The following MIIP variants were observed in gnomAD, a reference collection of about 807,000 sequenced individuals.
The protein encoded by MIIP is migration and invasion-inhibitory protein.
In MIIP, 44 loss-of-function variants were observed where a neutral mutation model predicts 44.8. That is an observed-to-expected ratio of 0.98 (90% confidence interval 0.77 to 1.26). MIIP has a LOEUF of 1.26. Ranked by LOEUF, MIIP falls within the 50% of genes most tolerant of loss-of-function variation. MIIP has a pLI of 0.00. For synonymous variants in MIIP, 225 were observed against 218.3 expected (o/e 1.03, Z -0.27); for missense variants, 496 against 511.7 (o/e 0.97, Z 0.30).
intron 4 of MIIP, 142 bp downstream of exon 4, chr1:12,023,059 CT>C (rs869060053): frequency 0.12 from 42,823 of 350,550 alleles, 4 homozygotes; most frequent in South Asian, 0.16. Flanking sequence ...GGAGCACCCT[CT>C]TTTTTTTTTT....
At chr1:12,028,840 G>C (rs907711303) in intron 4 of MIIP, 193 bp from the exon 5 acceptor site, 2 of 595,702 alleles carry the variant, frequency 3.4e-6, no homozygotes, top group African/African-American at 3.7e-5. Flanking sequence ...TATGCATCAG[G>C]GTAGACAGAC....
chr1:12,022,557 G>T (rs892740206), intron 3 of MIIP, 115 bp downstream of exon 3: 1 of 890,342 alleles, frequency 1.1e-6, no homozygotes, highest in Non-Finnish European at 1.7e-6. Context: ...AGGCTCCTGG[G>T]AGATACTGTG....
chr1:12,021,770 T>A lies in MIIP; in HGVS notation c.44T>A (p.Leu15Gln), dbSNP rs1161301922. Residue 15 changes from leucine (L) to glutamine (Q), a missense_variant, in exon 2 of 10, where the codon CTG (leucine) becomes CAG (glutamine). Physicochemically the swap from Leu to Gln is moderately radical, Grantham distance 113. Transcript: ENST00000235332. ...CTGGCACAGCTGCGGCTGCTCAATC[T>A]GGAGCTCCTGAGGCAGCTGTGGGTG... ...EELAQLRLLN[L>Q]ELLRQLWVGQ... 1 of 1,613,202 alleles carries A rather than the reference T, an allele frequency of 6.2e-7. No homozygotes were observed. Among genetic ancestry groups the A allele is most frequent in the South Asian group, 1.1e-5 (1 of 91,044 alleles).
chr1:12,022,833 C>T lies in MIIP; in HGVS notation c.463C>T (p.Pro155Ser). The stretch of plus-strand genomic sequence containing the variant: ...TGTCCCTCTGTGCTTCCTTCCTCAG[C>T]CCAGGGTGACCTTCTCTGAGGAGTC... Reference protein sequence around the residue: ...ILAQQSKLSKPRVTFSEESAV... With the variant: ...ILAQQSKLSKSRVTFSEESAV... The change falls in exon 4 of 10, where the codon CCC becomes TCC. Residue 155 changes from proline (P) to serine (S), a missense_variant and splice_region_variant. Pro to Ser is a moderately conservative substitution (Grantham distance 74). Transcript: ENST00000235332. 1 of 1,601,990 alleles carries T rather than the reference C, an allele frequency of 6.2e-7. No individual in the cohort carries two copies. The highest frequency in any genetic ancestry group is 2.3e-5 in the East Asian group (1 of 44,422).
At position 12,023,473 on chromosome 1, in the gene MIIP, G is replaced by A. The variant is rs546782640; in HGVS notation, c.547+556G>A. On this transcript the variant is annotated intron_variant, in intron 4 of 9. Transcript: ENST00000235332. Reference sequence around the variant, plus strand: ...GGCTGGAGTGAAGTGGCGCAATCTCGGCTCACTGCAAGCCCCGCCTCCCAG... The same window carrying A: ...GGCTGGAGTGAAGTGGCGCAATCTCAGCTCACTGCAAGCCCCGCCTCCCAG... Among the ~76,000 whole-genome samples the A allele has an allele frequency of 1.0e-4, 15 of 150,144 alleles. No homozygotes were observed. The East Asian group carries it at 1.2e-3, about 12-fold the overall frequency.
chr1:12,021,877 T>C, intron 2 of MIIP, 37 bp downstream of exon 2: 1 of 1,517,026 alleles, frequency 6.6e-7, no homozygotes, highest in Non-Finnish European at 8.9e-7. Context: ...AGGAAGGGGC[T>C]ACCTGACCTT....
intron 6 of MIIP, 55 bp downstream of exon 6, chr1:12,029,336 GC>G: frequency 6.5e-7 from 1 of 1,548,200 alleles, no homozygotes; most frequent in Non-Finnish European, 8.8e-7. Context: ...CGCTGCCCTG[GC>G]CTCCCCTGCC....
At chr1:12,021,990 T>A in intron 2 of MIIP, 105 bp from the exon 3 acceptor site, 1 of 1,375,100 alleles carries the variant, frequency 7.3e-7, no homozygotes, top group Non-Finnish European at 1.0e-6. Context: ...CCTTGGTCAC[T>A]GCTGAGGCCG....
rs771747347 is a variant in MIIP at position 12,021,844 on chromosome 1, C to T, written c.114+4C>T. On this transcript the variant is annotated splice_donor_region_variant and intron_variant, in intron 2 of 9. Coordinates refer to ENST00000235332, the MANE Select transcript of MIIP (RefSeq NM_021933.4). ...AGTGGCCAGGGCAGCCTCGGAGGTG[C>T]GTGCCCGCCTTGGGAACCCCAGAGG... The T allele has an allele frequency of 3.0e-5, 48 of 1,595,228 alleles. No homozygotes were observed. Among genetic ancestry groups the T allele is most frequent in the Non-Finnish European group, 4.0e-5 (47 of 1,171,302 alleles).
In MIIP at chr1:12,029,848, C is replaced by A. The variant is rs1139720; in HGVS notation, c.799C>A (p.Arg267=). 6.2e-7 allele frequency: 1 copy of A among 1,613,216 alleles called. No homozygotes were observed. Among genetic ancestry groups the A allele is most frequent in the African/African-American group, 1.3e-5 (1 of 74,910 alleles). The change falls in exon 7 of 10, where the codon CGA becomes AGA. Residue 267 remains arginine (R), a synonymous_variant. Transcript: ENST00000235332. ...GTPCRLCRTP[R]DQQGPGTLAQ... ...CCCCTGCCGCCTGTGCAGGACACCG[C>A]GAGACCAGCAGGGCCCTGGGACCCT...
At position 12,021,757 on chromosome 1, in the gene MIIP, C is replaced by T. The variant is rs777025332; in HGVS notation, c.31C>T (p.Arg11Trp). Residue 11 changes from arginine (R) to tryptophan (W), a missense_variant, in exon 2 of 10, where the codon CGG becomes TGG. Arg to Trp is a moderately radical substitution (Grantham distance 101, BLOSUM62 -3). Coordinates refer to ENST00000235332, the MANE Select transcript of MIIP (RefSeq NM_021933.4). MVEAEELAQL[R>W]LLNLELLRQL... Reference sequence around the variant, plus strand: ...GGAGGCTGAGGAACTGGCACAGCTGCGGCTGCTCAATCTGGAGCTCCTGAG... The same window carrying T: ...GGAGGCTGAGGAACTGGCACAGCTGTGGCTGCTCAATCTGGAGCTCCTGAG... 17 of 1,612,830 alleles carry T rather than the reference C, an allele frequency of 1.1e-5. No homozygotes were observed. The highest frequency in any genetic ancestry group is 2.7e-5 in the African/African-American group (2 of 74,888).
Position 12,031,282 on chromosome 1 carries a change from G to A in MIIP, c.959G>A (p.Trp320Ter). ...LALPRHCLLG[W>*]DIFPPKSEKS... ...CTTCCACAGCACTGCCTGCTGGGCT[G>A]GGACATTTTTCCTCCGAAGTCTGAG... Residue 320 changes from tryptophan (W) to a stop codon, truncating the protein, a stop_gained, in exon 9 of 10, where the codon TGG (tryptophan) becomes TAG (stop). Transcript: ENST00000235332. LOFTEE classifies it high-confidence loss of function. 2 of 1,613,828 alleles carry A rather than the reference G, an allele frequency of 1.2e-6. No homozygotes were observed. Among genetic ancestry groups the A allele is most frequent in the Middle Eastern group, 1.7e-4 (1 of 6,058 alleles).
intron 4 of MIIP, among the ~76,000 whole-genome samples, chr1:12,025,805 A>G (rs763728553): frequency 1.3e-5 from 2 of 151,954 alleles, no homozygotes; most frequent in Admixed American, 6.6e-5. Context: ...GGTTCAAGCA[A>G]TTCTTCCTCA....
At chr1:12,021,044 A>G (rs1487640502) in intron 1 of MIIP, among the ~76,000 whole-genome samples, 12 of 152,018 alleles carry the variant, frequency 7.9e-5, no homozygotes, top group Non-Finnish European at 1.8e-4. Flanking sequence ...TCCTGGGCTA[A>G]AGCTATCCTC....
intron 1 of MIIP, among the ~76,000 whole-genome samples, chr1:12,020,840 C>T (rs1284327701): frequency 1.3e-5 from 2 of 152,060 alleles, no homozygotes; most frequent in African/African-American, 4.8e-5. Context: ...CGTGCCACCA[C>T]GCCCGGCTAA....
chr1:12,030,248 C>A, intron 8 of MIIP, 124 bp downstream of exon 8: 2 of 888,766 alleles, frequency 2.3e-6, no homozygotes, highest in Admixed American at 2.2e-5. Flanking sequence ...GTCTCTGGAG[C>A]ACAGCCTGGG....
intron 1 of MIIP, among the ~76,000 whole-genome samples, chr1:12,020,425 GTAA>G (rs1159882230): frequency 6.6e-6 from 1 of 152,200 alleles, no homozygotes; most frequent in African/African-American, 2.4e-5. Flanking sequence ...AGCCATTTTG[GTAA>G]TAATAGACGT....
chr1:12,030,554 TGC>T (rs1491151450), intron 8 of MIIP, among the ~76,000 whole-genome samples: 7 of 108,618 alleles, frequency 6.4e-5, no homozygotes, highest in East Asian at 2.6e-4. Flanking sequence ...CTGCTGCTGC[TGC>T]TTTTTTTTTT....
chr1:12,020,804 C>T (rs1639957545), intron 1 of MIIP, among the ~76,000 whole-genome samples: 1 of 152,220 alleles, frequency 6.6e-6, no homozygotes, highest in Admixed American at 6.5e-5. Flanking sequence ...CTGCCTCAGC[C>T]TCCCGAGTAG....
Sources: gnomAD v4.1 joint callset for allele counts (sites outside exome capture counted in the v4.1 genomes callset) on GRCh38, gnomAD v4.1.1 for gene constraint, MANE v1.5 for transcripts, NCBI Gene and HGNC (gene_info 2026-07-23, HGNC 2026-07-21) for gene names.